NMT2: variants seen among roughly 807,000 people sequenced by gnomAD.
NMT2 encodes the protein N-myristoyltransferase 2.
NMT2 carries 35 observed loss-of-function variants against 65.4 expected under a neutral mutation model. The observed-to-expected ratio is 0.54, with a 90% CI of 0.41 to 0.71. The LOEUF (loss-of-function observed/expected upper bound fraction) is 0.71, where lower values mean the gene tolerates loss of function less well. Among genes scored for constraint, NMT2 ranks in the 30% least tolerant of loss-of-function variants. The probability of loss-of-function intolerance (pLI) is 0.00; values close to 1 mark genes in which losing one functional copy is unlikely to be tolerated. For missense variants in NMT2, 489 were observed against 611.3 expected (o/e 0.80, Z 2.11); for synonymous variants, 226 against 231.8 (o/e 0.98, Z 0.23).
chr10:15,119,355 C>T lies in NMT2; in HGVS notation c.1158G>A (p.Thr386=), dbSNP rs376515523. Residue 386 remains threonine, a synonymous_variant, in exon 9 of 12, where the codon ACG becomes ACA. Transcript: ENST00000378165. Reference sequence around the variant, plus strand: ...ACCTTGTCTTTACCTCCACTACAAACGTGTCAATAATGTGCTCCCGGGGGA... The same window carrying T: ...ACCTTGTCTTTACCTCCACTACAAATGTGTCAATAATGTGCTCCCGGGGGA... ...WFLPREHIID[T]FVVESPNGKL... 20 of 1,614,020 alleles carry T rather than the reference C, an allele frequency of 1.2e-5. No homozygotes were observed. The highest frequency in any genetic ancestry group is 5.3e-5 in the African/African-American group (4 of 74,938).
intron 1 of NMT2, among the ~76,000 whole-genome samples, chr10:15,163,891 C>T (rs1042276886): frequency 3.9e-5 from 6 of 152,096 alleles, no homozygotes; most frequent in Admixed American, 6.6e-5. Flanking sequence ...CTCTTAAAAA[C>T]GTCTTAGGCC....
At chr10:15,141,209 TC>T in intron 2 of NMT2, 1 of 776,354 alleles carries the variant, frequency 1.3e-6, no homozygotes, top group Non-Finnish European at 2.1e-6. Context: ...ACAGCAGGTA[TC>T]CACACACACA....
At chr10:15,126,042 C>T (rs1343788316) in intron 8 of NMT2, among the ~76,000 whole-genome samples, 1 of 147,774 alleles carries the variant, frequency 6.8e-6, no homozygotes, top group East Asian at 1.9e-4. Context: ...TCTAAGATGG[C>T]CCCCAGTGAT....
At chr10:15,143,020 T>A (rs1171149941) in intron 1 of NMT2, among the ~76,000 whole-genome samples, 1 of 152,150 alleles carries the variant, frequency 6.6e-6, no homozygotes, top group East Asian at 1.9e-4. Flanking sequence ...ACTTAAGAAG[T>A]CTATTCTTAA....
At chr10:15,160,731 G>A (rs1282636960) in intron 1 of NMT2, among the ~76,000 whole-genome samples, 1 of 151,898 alleles carries the variant, frequency 6.6e-6, no homozygotes, top group African/African-American at 2.4e-5. Flanking sequence ...CAAAGATGAC[G>A]ACACTGCACT....
Position 15,119,412 on chromosome 10 carries a change from C to A in NMT2, c.1101G>T (p.Val367=). The A allele has an allele frequency of 6.2e-7, 1 of 1,614,186 alleles. No homozygotes were observed. The highest frequency in any genetic ancestry group is 8.5e-7 in the Non-Finnish European group (1 of 1,180,030). The change falls in exon 9 of 12, where the codon GTG becomes GTT. Residue 367 remains valine, a synonymous_variant. Coordinates refer to ENST00000378165, the MANE Select transcript of NMT2 (RefSeq NM_004808.3). ...TYLKQFHLAP[V]MDEEEVAHWF... ...AGTGGGCTACTTCCTCTTCATCCATCACTGGAGCCAGATGAAACTGCTTCA... is the reference window on the plus strand; with the variant it reads ...AGTGGGCTACTTCCTCTTCATCCATAACTGGAGCCAGATGAAACTGCTTCA...
intron 1 of NMT2, among the ~76,000 whole-genome samples, chr10:15,164,182 CAAAAAAAAAAAAAAA>C (rs34847914): frequency 1.4e-5 from 1 of 69,868 alleles, no homozygotes; most frequent in Non-Finnish European, 2.7e-5. Flanking sequence ...GAATTGGTCT[CAAAAAAAAAAAAAAA>C]AAAAAAAAAG....
In NMT2 at chr10:15,161,539, T is replaced by A. The variant is rs190166631; in HGVS notation, c.110+6964A>T. ...CCTGGCTAATGTTTTTTTGTATTTT[T>A]AGTAGAGATGGGGTTTCACCATGTT... On this transcript the variant is annotated intron_variant, in intron 1 of 11. Transcript: ENST00000378165. 2.6e-5 allele frequency among the ~76,000 whole-genome samples: 4 copies of A among 152,132 alleles called. No individual in the cohort carries two copies. The East Asian group carries it at 7.7e-4, about 29-fold the overall frequency.
At chr10:15,126,459 C>T (rs1020428451) in intron 8 of NMT2, among the ~76,000 whole-genome samples, 18 of 151,468 alleles carry the variant, frequency 1.2e-4, no homozygotes, top group African/African-American at 3.2e-4. Flanking sequence ...ATGGCAATGG[C>T]GACTGGATGT....
intron 9 of NMT2, among the ~76,000 whole-genome samples, chr10:15,118,690 T>C (rs1434526326): frequency 1.3e-5 from 2 of 151,808 alleles, no homozygotes; most frequent in Non-Finnish European, 2.9e-5. Flanking sequence ...ACAATGAGGA[T>C]ATAAATTAAC....
At chr10:15,138,817 T>C (rs1846616719) in intron 2 of NMT2, among the ~76,000 whole-genome samples, 1 of 152,002 alleles carries the variant, frequency 6.6e-6, no homozygotes, top group Non-Finnish European at 1.5e-5. Flanking sequence ...AAAGCCCATC[T>C]TAAGACAATA....
chr10:15,139,795 T>C (rs1353285800), intron 2 of NMT2: 1 of 144,916 alleles, frequency 6.9e-6, no homozygotes, highest in Admixed American at 7.3e-5. Flanking sequence ...TCTCACTTCA[T>C]GGAACACAAC....
chr10:15,155,164 G>C, intron 1 of NMT2: 1 of 1,531,524 alleles, frequency 6.5e-7, no homozygotes, highest in Non-Finnish European at 9.0e-7. Context: ...ATAATTCTGT[G>C]AAAGCAGGAA....
intron 2 of NMT2, among the ~76,000 whole-genome samples, chr10:15,136,290 G>C (rs1004644091): frequency 3.3e-5 from 5 of 149,566 alleles, no homozygotes; most frequent in Non-Finnish European, 7.4e-5. Flanking sequence ...GGAAAGGAGG[G>C]AGAGAGAGAG....
intron 2 of NMT2, chr10:15,141,156 G>T: frequency 1.1e-6 from 1 of 915,690 alleles, no homozygotes; most frequent in Non-Finnish European, 1.7e-6. Flanking sequence ...CTTTCTTCTA[G>T]AACGACAATC....
chr10:15,143,429 C>T (rs1215182696), intron 1 of NMT2, among the ~76,000 whole-genome samples: 1 of 152,196 alleles, frequency 6.6e-6, no homozygotes, highest in Non-Finnish European at 1.5e-5. Context: ...AATACTTCCA[C>T]TTTAAAATAT....
intron 1 of NMT2, 47 bp downstream of exon 1, chr10:15,168,456 G>T: frequency 2.1e-6 from 3 of 1,403,390 alleles, no homozygotes; most frequent in Non-Finnish European, 3.0e-6. Flanking sequence ...CGTGGCGCGC[G>T]CGGTCCCCGC....
intron 1 of NMT2, among the ~76,000 whole-genome samples, chr10:15,155,633 T>A (rs755704303): frequency 6.8e-6 from 1 of 146,282 alleles, no homozygotes; most frequent in Non-Finnish European, 1.5e-5. Context: ...TCCTCCCACC[T>A]TGGCCTCCCA....
chr10:15,135,206 T>G (rs1846436145), intron 3 of NMT2, 68 bp downstream of exon 3: 11 of 1,379,332 alleles, frequency 8.0e-6, no homozygotes, highest in Non-Finnish European at 1.1e-5. Context: ...TTGTTGTTGT[T>G]GTTGTTGTTG....
Sources: gnomAD v4.1 joint callset for allele counts (sites outside exome capture counted in the v4.1 genomes callset) on GRCh38, gnomAD v4.1.1 for gene constraint, MANE v1.5 for transcripts, NCBI Gene and HGNC (gene_info 2026-07-23, HGNC 2026-07-21) for gene names.